Variants in GNAS observed in about 807,000 individuals in gnomAD.
GNAS encodes GNAS complex locus, also known as protein ALEX.
A neutral mutation model predicts 54.5 loss-of-function variants in GNAS; 8 were observed. That is an observed-to-expected ratio of 0.15 (90% CI 0.09 to 0.26). The LOEUF (loss-of-function observed/expected upper bound fraction) is 0.26. Among genes scored for constraint, GNAS ranks in the 10% least tolerant of loss-of-function variants. GNAS has a pLI of 1.00. For synonymous variants in GNAS, 204 were observed against 191.4 expected, an observed-to-expected ratio of 1.07 and a Z score of -0.54; for missense variants, 170 against 529.8, an observed-to-expected ratio of 0.32 and a Z score of 6.67.
At chr20:58,897,628 A>T (rs1264917559) in intron 2 of GNAS, 1 of 152,240 alleles carries the variant, frequency 6.6e-6, no homozygotes, top group African/African-American at 2.4e-5. Flanking sequence ...CTGTAACACC[A>T]GGCAAGGGTT....
intron 3 of GNAS, among the ~76,000 whole-genome samples, chr20:58,901,201 G>C (rs953372723): frequency 6.6e-6 from 1 of 152,140 alleles, no homozygotes; most frequent in African/African-American, 2.4e-5. Context: ...AGGGGGTTTT[G>C]GGTAAATTCT....
intron 1 of GNAS, among the ~76,000 whole-genome samples, chr20:58,893,909 C>G (rs1009368924): frequency 6.6e-6 from 1 of 152,190 alleles, no homozygotes; most frequent in African/African-American, 2.4e-5. Context: ...CAGAACACGC[C>G]TTGCGTCACG....
chr20:58,905,868 CAA>C (rs764972355), intron 6 of GNAS, among the ~76,000 whole-genome samples: 22 of 152,204 alleles, frequency 1.4e-4, no homozygotes, highest in Admixed American at 7.2e-4. Context: ...TAAAACATAA[CAA>C]AGAGGAATGG....
intron 1 of GNAS, chr20:58,895,092 TGAG>T (rs1288425076): frequency 5.6e-6 from 1 of 177,796 alleles, no homozygotes; most frequent in Non-Finnish European, 1.2e-5. Flanking sequence ...GTGAAAATGT[TGAG>T]GAGGAAAGTG....
At chr20:58,904,852 C>A (rs970347603) in intron 5 of GNAS, among the ~76,000 whole-genome samples, 3 of 152,094 alleles carry the variant, frequency 2.0e-5, no homozygotes, top group Non-Finnish European at 4.4e-5. Context: ...GAAACAGCAG[C>A]CTATTAAAAA....
intron 1 of GNAS, 157 bp from the exon 2 acceptor site, chr20:58,895,455 C>G (rs1028032537): frequency 1.5e-6 from 1 of 678,442 alleles, no homozygotes; most frequent in Non-Finnish European, 2.7e-6. Context: ...TTCCTTTTCT[C>G]TGCGTCGAAA....
upstream of GNAS, chr20:58,840,836 C>G (rs1316920070): frequency 6.2e-7 from 1 of 1,612,794 alleles, no homozygotes; most frequent in Non-Finnish European, 8.5e-7. The surrounding 1 kb of genome is among the most constrained non-coding windows in gnomAD (Gnocchi z 6.0). Context: ...CCCCATCCGG[C>G]GTCACTAATG....
chr20:58,880,531 A>G (rs940966301), intron 1 of GNAS, among the ~76,000 whole-genome samples: 1 of 152,216 alleles, frequency 6.6e-6, no homozygotes, highest in Non-Finnish European at 1.5e-5. Context: ...TCTTTGCTAG[A>G]CAAATCAATG....
chr20:58,904,412 T>C (rs1451883574), intron 5 of GNAS, among the ~76,000 whole-genome samples: 2 of 152,212 alleles, frequency 1.3e-5, no homozygotes. Context: ...ATAGAACATA[T>C]GGAAAAGACT....
chr20:58,893,298 C>A (rs1394900712), intron 1 of GNAS, among the ~76,000 whole-genome samples: 1 of 151,750 alleles, frequency 6.6e-6, no homozygotes, highest in African/African-American at 2.4e-5. Context: ...GATGGCCTTT[C>A]CTCCTTTTTT....
In GNAS at chr20:58,891,479, C is replaced by G. The variant is rs1347560563; in HGVS notation, c.-248C>G. The G allele has an allele frequency of 1.1e-6, 1 of 944,786 alleles. No individual in the cohort carries two copies. The highest frequency in any genetic ancestry group is 1.3e-6 in the Non-Finnish European group (1 of 795,130). 58.5% of individuals were successfully genotyped at this position (944,786 alleles called of 1,614,324 possible). ...CGGCCCGGCGGCGGCCATCAGCCCC[C>G]TCGGCCTCGGCTCGAGGGGCGGGGA... is the stretch of plus-strand genomic sequence containing the variant. On this transcript the variant is annotated 5_prime_UTR_variant, in exon 1 of 13. Coordinates refer to ENST00000371085, the MANE Select transcript of GNAS (RefSeq NM_000516.7).
chr20:58,908,641 G>A (rs1188423577), intron 6 of GNAS, among the ~76,000 whole-genome samples: 1 of 151,922 alleles, frequency 6.6e-6, no homozygotes, highest in Non-Finnish European at 1.5e-5. Context: ...TTTTAATCAA[G>A]CAATTTGAAA....
chr20:58,850,644 A>C, intron 1 of GNAS: 1 of 399,254 alleles, frequency 2.5e-6, no homozygotes, highest in Non-Finnish European at 4.4e-6. Context: ...CCAGCCCTGG[A>C]AATCTTCTTG....
intron 1 of GNAS, among the ~76,000 whole-genome samples, chr20:58,869,388 C>G (rs374946808): frequency 6.6e-6 from 1 of 152,224 alleles, no homozygotes; most frequent in Non-Finnish European, 1.5e-5. Context: ...GTAGGGCCCT[C>G]TGTTGTCCTT....
At chr20:58,884,563 C>G (rs2088462597) in intron 1 of GNAS, 1 of 152,182 alleles carries the variant, frequency 6.6e-6, no homozygotes, top group Admixed American at 6.5e-5. Context: ...TGTAAATAAG[C>G]AGGAAAGTAA....
chr20:58,846,092 A>G (rs933618916), intron 1 of GNAS, among the ~76,000 whole-genome samples: 2 of 152,242 alleles, frequency 1.3e-5, no homozygotes, highest in Non-Finnish European at 2.9e-5. Context: ...AAAGGAAAAG[A>G]AGAATTTGAG....
intron 1 of GNAS, among the ~76,000 whole-genome samples, chr20:58,879,285 T>C (rs558964877): frequency 3.9e-5 from 6 of 152,346 alleles, no homozygotes; most frequent in East Asian, 3.9e-4. Context: ...GGGAACAATA[T>C]AACCTTAAAA....
At chr20:58,899,689 A>AT (rs2090427803) in intron 3 of GNAS, among the ~76,000 whole-genome samples, 1 of 151,428 alleles carries the variant, frequency 6.6e-6, no homozygotes, top group Non-Finnish European at 1.5e-5. Flanking sequence ...ATGCATACAC[A>AT]GACACGCACA....
intron 1 of GNAS, among the ~76,000 whole-genome samples, chr20:58,879,712 G>A (rs1292112856): frequency 6.6e-6 from 1 of 152,120 alleles, no homozygotes; most frequent in African/African-American, 2.4e-5. Flanking sequence ...GAGGAGGGGG[G>A]AAATGAAGCA....
Sources: allele counts gnomAD v4.1 joint callset (sites outside exome capture counted in the v4.1 genomes callset), GRCh38; gene constraint gnomAD v4.1.1; non-coding constraint Gnocchi (gnomAD v3.1); transcripts MANE v1.5; gene names NCBI Gene and HGNC (gene_info 2026-07-23, HGNC 2026-07-21).